FBXO16: variants seen among roughly 807,000 people sequenced by gnomAD.
FBXO16 encodes the protein F-box protein 16.
FBXO16 carries 31 observed loss-of-function variants against 41.0 expected under a neutral mutation model. That is an observed-to-expected ratio of 0.76 (90% confidence interval 0.57 to 1.02). FBXO16 has a LOEUF of 1.02. Among genes scored for constraint, FBXO16 ranks in the 50% least tolerant of loss-of-function variants. The probability of loss-of-function intolerance (pLI) is 0.00; values close to 1 mark genes in which losing one functional copy is unlikely to be tolerated. For missense variants in FBXO16, 361 were observed against 346.2 expected, an observed-to-expected ratio of 1.04 and a Z score of -0.34; for synonymous variants, 133 against 117.8, an observed-to-expected ratio of 1.13 and a Z score of -0.84.
intron 3 of FBXO16, chr8:28,465,110 T>TG (rs11452638): frequency 0.13 from 19,661 of 149,706 alleles, 2,410 homozygotes; most frequent in African/African-American, 0.33. Flanking sequence ...ATTTATTTGA[T>TG]TTTTTTTTTT....
At chr8:28,485,097 A>C (rs1048847430) in intron 1 of FBXO16, among the ~76,000 whole-genome samples, 2 of 152,160 alleles carry the variant, frequency 1.3e-5, no homozygotes, top group African/African-American at 4.8e-5. Flanking sequence ...GGACAGGTAG[A>C]AGAGATGGCT....
At chr8:28,454,686 C>T (rs1165479988) in intron 5 of FBXO16, among the ~76,000 whole-genome samples, 4 of 142,214 alleles carry the variant, frequency 2.8e-5, no homozygotes, top group Non-Finnish European at 6.0e-5. Flanking sequence ...CGAGATGGCG[C>T]CACTGCACTC....
chr8:28,435,549 AC>A (rs780081044), intron 7 of FBXO16, among the ~76,000 whole-genome samples: 21 of 151,756 alleles, frequency 1.4e-4, no homozygotes, highest in African/African-American at 4.6e-4. Flanking sequence ...GAAATGCCCC[AC>A]CCCCACAGTT....
At chr8:28,435,694 T>C (rs1802677498) in intron 7 of FBXO16, among the ~76,000 whole-genome samples, 2 of 152,130 alleles carry the variant, frequency 1.3e-5, no homozygotes, top group South Asian at 4.1e-4. Context: ...GGCACAATGT[T>C]GTAGAAAACC....
chr8:28,443,526 C>T (rs951471015), intron 7 of FBXO16, among the ~76,000 whole-genome samples: 17 of 152,132 alleles, frequency 1.1e-4, no homozygotes, highest in African/African-American at 4.1e-4. Context: ...TCCTGCTCAC[C>T]TGCTTCTCTA....
intron 7 of FBXO16, among the ~76,000 whole-genome samples, chr8:28,432,189 C>T (rs976036801): frequency 6.6e-6 from 1 of 150,632 alleles, no homozygotes; most frequent in Non-Finnish European, 1.5e-5. Context: ...AATCAATACA[C>T]GAGGCCGGGT....
intron 7 of FBXO16, among the ~76,000 whole-genome samples, chr8:28,432,778 C>T (rs1317390000): frequency 6.6e-6 from 1 of 152,090 alleles, no homozygotes; most frequent in African/African-American, 2.4e-5. Flanking sequence ...ATATTCCAGC[C>T]AGGCATGGTG....
chr8:28,444,448 G>A (rs148423261), intron 7 of FBXO16, among the ~76,000 whole-genome samples: 6 of 146,888 alleles, frequency 4.1e-5, no homozygotes, highest in African/African-American at 7.7e-5. Flanking sequence ...TACTACAGGC[G>A]TGTGCCAACA....
intron 2 of FBXO16, among the ~76,000 whole-genome samples, chr8:28,474,600 A>G (rs1803394187): frequency 6.6e-6 from 1 of 152,190 alleles, no homozygotes; most frequent in Non-Finnish European, 1.5e-5. Flanking sequence ...GTGTATACAC[A>G]TATCACAGAT....
intron 5 of FBXO16, chr8:28,455,789 G>T (rs1420844032): frequency 6.6e-6 from 1 of 152,182 alleles, no homozygotes; most frequent in Non-Finnish European, 1.5e-5. Context: ...ACTGAAATCA[G>T]AAAGACTTTT....
chr8:28,485,604 C>T lies in FBXO16; in HGVS notation c.-16-2142G>A, dbSNP rs546375297. On this transcript the variant is annotated intron_variant, in intron 1 of 8. Coordinates refer to ENST00000380254, the MANE Select transcript of FBXO16 (RefSeq NM_172366.4). ...GAAGATAAAGCCCACGTTTTAAACC[C>T]TCTGGGGTGTCAAGACAATGCCTTC... Among the ~76,000 whole-genome samples, 6 of 152,308 alleles carry T rather than the reference C, an allele frequency of 3.9e-5. No individual in the cohort carries two copies. In the South Asian group the frequency reaches 1.2e-3, roughly 32 times the overall value.
intron 4 of FBXO16, among the ~76,000 whole-genome samples, chr8:28,460,248 T>A (rs865852513): frequency 0.026 from 2,755 of 106,828 alleles, 34 homozygotes; most frequent in East Asian, 0.079. Flanking sequence ...TATATATATT[T>A]TTTTTTTTTT....
intron 5 of FBXO16, 79 bp downstream of exon 5, chr8:28,456,687 G>A: frequency 2.0e-6 from 3 of 1,518,744 alleles, no homozygotes; most frequent in Non-Finnish European, 2.7e-6. Flanking sequence ...CCAACTTCCA[G>A]TCTGATCCTT....
At chr8:28,439,100 AAAAAAAAAAG>A (rs369772849) in intron 7 of FBXO16, among the ~76,000 whole-genome samples, 1 of 151,046 alleles carries the variant, frequency 6.6e-6, no homozygotes, top group African/African-American at 2.5e-5. Context: ...GTCTCAAAAA[AAAAAAAAAAG>A]AAAAGAAAAG....
chr8:28,457,094 C>T (rs767705798), intron 4 of FBXO16, among the ~76,000 whole-genome samples, 164 bp from the exon 5 acceptor site: 3 of 152,190 alleles, frequency 2.0e-5, no homozygotes, highest in African/African-American at 4.8e-5. Flanking sequence ...TGAAGTGTTT[C>T]CTACCCAGGC....
intron 4 of FBXO16, 143 bp from the exon 5 acceptor site, chr8:28,457,073 T>G: frequency 4.0e-6 from 3 of 752,056 alleles, no homozygotes; most frequent in Non-Finnish European, 6.2e-6. Context: ...CTTAAATGGT[T>G]ACCTCCTACC....
chr8:28,441,364 C>T (rs1216583812), intron 7 of FBXO16, among the ~76,000 whole-genome samples: 1 of 152,186 alleles, frequency 6.6e-6, no homozygotes, highest in African/African-American at 2.4e-5. Flanking sequence ...TCCTCTCTCC[C>T]TATGAGTTTA....
chr8:28,438,957 G>A (rs529749954), intron 7 of FBXO16, among the ~76,000 whole-genome samples: 10 of 151,716 alleles, frequency 6.6e-5, no homozygotes, highest in African/African-American at 1.9e-4. Context: ...AAAATCAGCC[G>A]GGCGTGGTGG....
chr8:28,479,186 A>G (rs148901146), intron 2 of FBXO16, among the ~76,000 whole-genome samples: 208 of 152,288 alleles, frequency 1.4e-3, no homozygotes, highest in African/African-American at 4.6e-3. Flanking sequence ...CTTTACAACC[A>G]ATCTGAAGCA....
Sources: allele counts gnomAD v4.1 joint callset (sites outside exome capture counted in the v4.1 genomes callset), GRCh38; gene constraint gnomAD v4.1.1; transcripts MANE v1.5; gene names NCBI Gene and HGNC (gene_info 2026-07-23, HGNC 2026-07-21).